Variants in TOR1AIP2 observed in about 807,000 individuals in gnomAD.
TOR1AIP2 encodes torsin-1A-interacting protein 2.
In TOR1AIP2, 20 loss-of-function variants were observed where a neutral mutation model predicts 32.6. The observed-to-expected ratio is 0.61, with a 90% confidence interval of 0.43 to 0.89. The LOEUF (loss-of-function observed/expected upper bound fraction) is 0.89, where lower values mean the gene tolerates loss of function less well. Ranked by LOEUF, TOR1AIP2 falls within the 40% of genes least tolerant of loss-of-function variation. The pLI, the probability that TOR1AIP2 is intolerant of heterozygous loss-of-function variation, is 0.00. For missense variants in TOR1AIP2, 456 were observed against 553.8 expected (o/e 0.82, Z 1.77); for synonymous variants, 214 against 210.8 (o/e 1.02, Z -0.13).
In TOR1AIP2 at chr1:179,852,677, A is replaced by G. The variant is rs771823718; in HGVS notation, c.-12T>C. 7 of 1,614,004 alleles carry G rather than the reference A, an allele frequency of 4.3e-6. No homozygotes were observed. The highest frequency in any genetic ancestry group is 3.4e-6 in the Non-Finnish European group (4 of 1,179,948). The stretch of plus-strand genomic sequence containing the variant: ...CCACTGTCGGCCATGTTTGTGTTCT[A>G]TCTCTTCAGAGTTGGGAGGATACTT... On this transcript the variant is annotated 5_prime_UTR_variant, in exon 4 of 7. Transcript: ENST00000609928.
intron 3 of TOR1AIP2, chr1:179,861,310 A>G (rs1696521192): frequency 1.0e-6 from 1 of 985,204 alleles, no homozygotes. Context: ...GGAGTATTCT[A>G]GAATAACCTG....
rs1360111127 is a variant in TOR1AIP2 at position 179,864,762 on chromosome 1, A to G, written c.-147+674T>C. On this transcript the variant is annotated intron_variant, in intron 3 of 6. Transcript: ENST00000609928. ...TACACAAAAGCCTCTAGACTTGACAATTTTGACTATTATAGAAGCTATTTG... is the reference window on the plus strand; with the variant it reads ...TACACAAAAGCCTCTAGACTTGACAGTTTTGACTATTATAGAAGCTATTTG... The G allele has an allele frequency of 3.2e-6, 5 of 1,559,454 alleles. No homozygotes were observed. The African/African-American group carries it at 5.5e-5, about 17-fold the overall frequency.
chr1:179,847,788 CTTTG>C, intron 5 of TOR1AIP2, 152 bp from the exon 6 acceptor site: 1 of 602,244 alleles, frequency 1.7e-6, no homozygotes, highest in Non-Finnish European at 2.9e-6. Flanking sequence ...AATCCCAGCA[CTTTG>C]GGAGGCTGAA....
intron 3 of TOR1AIP2, chr1:179,865,138 T>C: frequency 6.2e-7 from 1 of 1,612,984 alleles, no homozygotes; most frequent in Non-Finnish European, 8.5e-7. Flanking sequence ...GGAACCACTG[T>C]TGTCCACAAT....
rs1171986747 is a variant in TOR1AIP2, at chr1:179,843,510, CAAA to C, written c.*2558_*2560del. On this transcript the variant is annotated 3_prime_UTR_variant, in exon 7 of 7. Transcript: ENST00000609928. ...TGGGTGACAGAGCAAGACCTTCTCT[CAAA>C]AAAAAAAAAAAAAAAAAAAGAAGTT... 24 of 71,884 alleles carry C rather than the reference CAAA, an allele frequency of 3.3e-4. No homozygotes were observed. The highest frequency in any genetic ancestry group is 7.1e-4 in the African/African-American group (14 of 19,664). 4.5% of individuals were successfully genotyped at this position (71,884 alleles called of 1,614,324 possible). A position where few individuals can be genotyped will look rare whatever the true frequency, so the allele number is the denominator to read the frequency against.
chr1:179,869,945 G>A (rs554006300), intron 2 of TOR1AIP2, among the ~76,000 whole-genome samples: 2 of 152,186 alleles, frequency 1.3e-5, no homozygotes, highest in South Asian at 2.1e-4. Flanking sequence ...CACTTTATTC[G>A]TATTAACTCA....
chr1:179,857,226 TATA>T (rs974377952), intron 3 of TOR1AIP2, among the ~76,000 whole-genome samples: 1 of 152,236 alleles, frequency 6.6e-6, no homozygotes, highest in African/African-American at 2.4e-5. Flanking sequence ...ACGTGGCGGT[TATA>T]ATGATTCATA....
intron 2 of TOR1AIP2, chr1:179,873,714 G>C (rs1036572532): frequency 2.6e-5 from 4 of 152,074 alleles, no homozygotes; most frequent in Admixed American, 1.3e-4. Flanking sequence ...TTATTAAATG[G>C]AATTCTTCTG....
At chr1:179,852,289 GGAA>G (rs1696147379) in intron 4 of TOR1AIP2, among the ~76,000 whole-genome samples, 1 of 150,842 alleles carries the variant, frequency 6.6e-6, no homozygotes, top group African/African-American at 2.4e-5. Flanking sequence ...GAGAAGAAGA[GGAA>G]GAAGAAAGAT....
chr1:179,860,309 T>C, intron 3 of TOR1AIP2: 1 of 751,270 alleles, frequency 1.3e-6, no homozygotes, highest in Non-Finnish European at 1.6e-6. Flanking sequence ...ATGGCGATAC[T>C]CCATCTCTAC....
intron 2 of TOR1AIP2, among the ~76,000 whole-genome samples, chr1:179,871,835 A>G (rs1181991191): frequency 6.6e-6 from 1 of 152,262 alleles, no homozygotes; most frequent in East Asian, 1.9e-4. Flanking sequence ...CTATTTCACA[A>G]CTACCTTAGA....
chr1:179,877,020 G>T (rs1180654505), intron 2 of TOR1AIP2, among the ~76,000 whole-genome samples: 8 of 151,294 alleles, frequency 5.3e-5, no homozygotes, highest in African/African-American at 1.7e-4. Context: ...ATCTTTTCAG[G>T]ATTAAGATTA....
chr1:179,854,326 T>C (rs1304572763), intron 3 of TOR1AIP2, among the ~76,000 whole-genome samples: 1 of 151,786 alleles, frequency 6.6e-6, no homozygotes, highest in East Asian at 1.9e-4. Context: ...AAAAAAGAGA[T>C]AAGTAAACAG....
chr1:179,868,482 G>C (rs1374265301), intron 2 of TOR1AIP2: 1 of 151,970 alleles, frequency 6.6e-6, no homozygotes. Flanking sequence ...AATCACTTTT[G>C]GAATTGGCAT....
Position 179,876,642 on chromosome 1 carries a change from C to A in TOR1AIP2, c.-566+597G>T, listed in dbSNP as rs536672043. Among the ~76,000 whole-genome samples, 208 of 145,680 alleles carry A rather than the reference C, an allele frequency of 1.4e-3. 6 individuals are homozygous for A. In the East Asian group the frequency reaches 0.027, roughly 19 times the overall value. On this transcript the variant is annotated intron_variant, in intron 2 of 6. Coordinates refer to ENST00000609928, the MANE Select transcript of TOR1AIP2 (RefSeq NM_001199260.2). ...GCCTTTTATATCCTCATCTTGTGCT[C>A]AAAAAAAAAAGCTCAAAAAACATGG...
intron 3 of TOR1AIP2, chr1:179,860,353 A>G (rs1696472825): frequency 4.1e-6 from 3 of 738,458 alleles, no homozygotes; most frequent in Non-Finnish European, 5.0e-6. Context: ...ATGGTGGTGC[A>G]AGCCTGTAGT....
rs2148414873 is a variant in TOR1AIP2 at position 179,840,936 on chromosome 1, T to A, written c.*5135A>T. 6.8e-6 allele frequency: 1 copy of A among 146,222 alleles called. No homozygotes were observed. Among genetic ancestry groups the A allele is most frequent in the South Asian group, 2.1e-4 (1 of 4,788 alleles). The allele number at this position is 146,222 out of a possible 1,614,324, so 9.1% of individuals were successfully genotyped here. On this transcript the variant is annotated 3_prime_UTR_variant, in exon 7 of 7. Coordinates refer to ENST00000609928, the MANE Select transcript of TOR1AIP2 (RefSeq NM_001199260.2). ...ATAATAAAGAAGTTATAGCACAGTT[T>A]ATTAGCTAGAAATGAATTTTAACAG... is the stretch of plus-strand genomic sequence containing the variant.
intron 3 of TOR1AIP2, chr1:179,860,644 A>G: frequency 1.0e-6 from 1 of 983,196 alleles, no homozygotes; most frequent in Non-Finnish European, 1.2e-6. Context: ...TGAGGTAGGT[A>G]TTATTACACA....
At chr1:179,855,948 G>A (rs563680425) in intron 3 of TOR1AIP2, among the ~76,000 whole-genome samples, 2 of 152,250 alleles carry the variant, frequency 1.3e-5, no homozygotes, top group East Asian at 1.9e-4. Context: ...AGAGGCCAAG[G>A]CAGACAGATC....
Sources: allele counts gnomAD v4.1 joint callset (sites outside exome capture counted in the v4.1 genomes callset), GRCh38; gene constraint gnomAD v4.1.1; transcripts MANE v1.5; gene names NCBI Gene and HGNC (gene_info 2026-07-23, HGNC 2026-07-21).